The following ZNF283 variants were observed in gnomAD, a reference collection of about 807,000 sequenced individuals.
The protein encoded by ZNF283 is zinc finger protein 41.
In ZNF283, 10 loss-of-function variants were observed where a neutral mutation model predicts 9.2. The observed-to-expected ratio is 1.09, with a 90% CI of 0.67 to 1.85. The LOEUF is 1.85. Among genes scored for constraint, ZNF283 ranks in the 40% most tolerant of loss-of-function variants. ZNF283 has a pLI of 0.00. For synonymous variants in ZNF283, 234 were observed against 244.1 expected, an observed-to-expected ratio of 0.96 and a Z score of 0.38; for missense variants, 631 against 760.1, an observed-to-expected ratio of 0.83 and a Z score of 2.00.
chr19:43,834,573 ATTTTATT>A (rs969970522), intron 4 of ZNF283, among the ~76,000 whole-genome samples: 15 of 150,978 alleles, frequency 9.9e-5, no homozygotes, highest in African/African-American at 3.2e-4. Flanking sequence ...TAGATATATA[ATTTTATT>A]TTTTATTTTT....
chr19:43,831,396 T>G lies in ZNF283; in HGVS notation c.-1+15T>G, dbSNP rs774014269. 6.3e-7 allele frequency: 1 copy of G among 1,590,658 alleles called. No homozygotes were observed. The highest frequency in any genetic ancestry group is 1.1e-5 in the South Asian group (1 of 89,390). On this transcript the variant is annotated intron_variant, in intron 3 of 6. Transcript: ENST00000618787. ...TTCGAGAGCTGGTAGGTGTAAATTGTTTCAGGCCCACTGATTTTCAGTGTT... is the reference window on the plus strand; with the variant it reads ...TTCGAGAGCTGGTAGGTGTAAATTGGTTCAGGCCCACTGATTTTCAGTGTT...
At chr19:43,838,424 G>A (rs1169321429) in intron 6 of ZNF283, among the ~76,000 whole-genome samples, 1 of 152,106 alleles carries the variant, frequency 6.6e-6, no homozygotes, top group African/African-American at 2.4e-5. Flanking sequence ...CCAGGAGTTC[G>A]AGACCAGCAT....
chr19:43,847,024 G>A lies in ZNF283; in HGVS notation c.423G>A (p.Lys141=). The A allele has an allele frequency of 6.3e-7, 1 of 1,587,090 alleles. No homozygotes were observed. Among genetic ancestry groups the A allele is most frequent in the Non-Finnish European group, 8.6e-7 (1 of 1,160,694 alleles). Residue 141 remains lysine (K), a synonymous_variant, in exon 7 of 7, where the codon AAG becomes AAA. Transcript: ENST00000618787. ...TAAATTTTTCCCAGTGGGAGATGAA[G>A]GACAAAAGTAAAACCCTTGGCCTTG... ...FEINFSQWEM[K]DKSKTLGLEA...
At position 43,847,166 on chromosome 19, in the gene ZNF283, A is replaced by G; in HGVS notation, c.565A>G (p.Arg189Gly). ...CAGCTATGAAAAAATACCTTCTTAC[A>G]GAAAAAGTAAATCTCTTACTCCACA... ...IISYEKIPSY[R>G]KSKSLTPHQR... Residue 189 changes from arginine (R) to glycine (G), a missense_variant, in exon 7 of 7, where the codon AGA becomes GGA. Arg to Gly is a moderately radical substitution (Grantham distance 125, BLOSUM62 -2). Coordinates refer to ENST00000618787, the MANE Select transcript of ZNF283 (RefSeq NM_181845.2). The G allele has an allele frequency of 6.2e-7, 1 of 1,613,664 alleles. No homozygotes were observed. Among genetic ancestry groups the G allele is most frequent in the Middle Eastern group, 1.6e-4 (1 of 6,062 alleles).
Position 43,847,845 on chromosome 19 carries a change from G to T in ZNF283, c.1244G>T (p.Gly415Val). Residue 415 changes from glycine (G) to valine (V), a missense_variant, in exon 7 of 7, where the codon GGA (glycine) becomes GTA (valine). Around this residue, in one of 3 missense-constraint regions of ZNF283, gnomAD observed 444 missense variants for 522.5 expected, o/e 0.85. Transcript: ENST00000618787. ...GAATGTGGGAAGGCTTTTAATTGCG[G>T]ATCAAGTCTTATTCAACATGAAAGA... ...CKECGKAFNC[G>V]SSLIQHERIH... 6.2e-7 allele frequency: 1 copy of T among 1,613,536 alleles called. No individual in the cohort carries two copies. Among genetic ancestry groups the T allele is most frequent in the Non-Finnish European group, 8.5e-7 (1 of 1,179,872 alleles).
chr19:43,831,159 A>G (rs1205749838), intron 2 of ZNF283, among the ~76,000 whole-genome samples, 159 bp from the exon 3 acceptor site: 1 of 152,232 alleles, frequency 6.6e-6, no homozygotes, highest in Non-Finnish European at 1.5e-5. Context: ...CAAGAATTAC[A>G]TTAAAATGTT....
At position 43,850,846 on chromosome 19, in the gene ZNF283, TAG is replaced by T. The variant is rs957361674; in HGVS notation, c.*2208_*2209del. 1 of 152,202 alleles carries T rather than the reference TAG, an allele frequency of 6.6e-6. No homozygotes were observed. The highest frequency in any genetic ancestry group is 2.4e-5 in the African/African-American group (1 of 41,450). 9.4% of individuals were successfully genotyped at this position (152,202 alleles called of 1,614,324 possible). ...TCAAGGCAGGTTAGTTATGAAGAAA[TAG>T]AGTGTGTGTTTATATACTCACACAG... On this transcript the variant is annotated 3_prime_UTR_variant, in exon 7 of 7. Coordinates refer to ENST00000618787, the MANE Select transcript of ZNF283 (RefSeq NM_181845.2).
Position 43,850,218 on chromosome 19 carries a change from A to C in ZNF283, c.*1577A>C, listed in dbSNP as rs1292826520. The C allele has an allele frequency of 6.6e-6, 1 of 152,214 alleles. No homozygotes were observed. The highest frequency in any genetic ancestry group is 2.4e-5 in the African/African-American group (1 of 41,456). 9.4% of individuals were successfully genotyped at this position (152,214 alleles called of 1,614,324 possible). A position where few individuals can be genotyped will look rare whatever the true frequency, so the allele number is the denominator to read the frequency against. Reference sequence around the variant, plus strand: ...CATGAAGTTGGAAATAGAGGCTTAAACATTTTTTACCAGAACACTTCATAG... The same window carrying C: ...CATGAAGTTGGAAATAGAGGCTTAACCATTTTTTACCAGAACACTTCATAG... On this transcript the variant is annotated 3_prime_UTR_variant, in exon 7 of 7. Transcript: ENST00000618787.
Position 43,847,272 on chromosome 19 carries a change from A to C in ZNF283, c.671A>C (p.Gln224Pro). The C allele has an allele frequency of 6.2e-7, 1 of 1,613,938 alleles. No homozygotes were observed. The highest frequency in any genetic ancestry group is 2.2e-5 in the East Asian group (1 of 44,878). The change falls in exon 7 of 7, where the codon CAA becomes CCA. Residue 224 changes from glutamine to proline, a missense_variant. Around this residue, in one of 3 missense-constraint regions of ZNF283, gnomAD observed 184 missense variants for 220.0 expected, o/e 0.84. Transcript: ENST00000618787. ...KACSHGSKLV[Q>P]HERTHTAEKH... is the part of the protein sequence containing the mutation. ...TGCAGTCATGGCTCAAAACTTGTTCAACATGAGAGAACTCATACAGCTGAA... is the reference window on the plus strand; with the variant it reads ...TGCAGTCATGGCTCAAAACTTGTTCCACATGAGAGAACTCATACAGCTGAA...
intron 6 of ZNF283, chr19:43,837,917 G>C (rs1971049151): frequency 6.6e-6 from 1 of 152,224 alleles, no homozygotes; most frequent in South Asian, 2.1e-4. Flanking sequence ...AATTAGGCCA[G>C]GGAGATAGGA....
At chr19:43,843,448 C>T (rs1179509621) in intron 6 of ZNF283, among the ~76,000 whole-genome samples, 1 of 152,176 alleles carries the variant, frequency 6.6e-6, no homozygotes, top group Non-Finnish European at 1.5e-5. Flanking sequence ...AGTAGGAAAA[C>T]ATTTTCTTGC....
intron 5 of ZNF283, among the ~76,000 whole-genome samples, chr19:43,836,577 G>A (rs1026267904): frequency 2.6e-5 from 4 of 152,206 alleles, no homozygotes; most frequent in African/African-American, 9.6e-5. Context: ...CTGACCTCAA[G>A]TGATTTGCCT....
intron 6 of ZNF283, chr19:43,837,608 A>G (rs1971036713): frequency 4.4e-6 from 1 of 228,602 alleles, no homozygotes; most frequent in Admixed American, 5.6e-5. Context: ...TTTGTAGTAA[A>G]GCAGAAACAT....
intron 2 of ZNF283, among the ~76,000 whole-genome samples, chr19:43,830,973 T>A (rs1032471743): frequency 6.6e-6 from 1 of 150,642 alleles, no homozygotes; most frequent in East Asian, 1.9e-4. Context: ...TTGCAGTATG[T>A]CTAGTGATGG....
chr19:43,844,438 G>GTA (rs1197358087), intron 6 of ZNF283, among the ~76,000 whole-genome samples: 4 of 152,066 alleles, frequency 2.6e-5, no homozygotes, highest in Non-Finnish European at 5.9e-5. Context: ...ATGCTATGTT[G>GTA]TACAAAACTG....
Position 43,835,517 on chromosome 19 carries a change from T to C in ZNF283, c.135T>C (p.Ser45=). The C allele has an allele frequency of 6.2e-7, 1 of 1,610,398 alleles. No individual in the cohort carries two copies. Among genetic ancestry groups the C allele is most frequent in the African/African-American group, 1.3e-5 (1 of 75,046 alleles). The change falls in exon 5 of 7, where the codon TCT becomes TCC. Residue 45 remains serine, a synonymous_variant. Transcript: ENST00000618787. ...TTTCCCTCCCCAGTTCTGGCTTTTCTGGATTCTGTGCTTCACCAATAGAGG... is the reference window on the plus strand; with the variant it reads ...TTTCCCTCCCCAGTTCTGGCTTTTCCGGATTCTGTGCTTCACCAATAGAGG... ...LSSWDYSSGF[S]GFCASPIEES...
chr19:43,830,656 G>C (rs1274529674), intron 2 of ZNF283, among the ~76,000 whole-genome samples: 2 of 151,896 alleles, frequency 1.3e-5, no homozygotes, highest in Non-Finnish European at 2.9e-5. Context: ...TAATCCCAAC[G>C]CTTTGGGAGG....
intron 6 of ZNF283, among the ~76,000 whole-genome samples, chr19:43,846,397 G>A (rs1326891001): frequency 6.6e-6 from 1 of 152,008 alleles, no homozygotes; most frequent in Admixed American, 6.6e-5. Context: ...TTATCTCAGG[G>A]GTTGGAAAAC....
Position 43,836,411 on chromosome 19 carries a change from G to A in ZNF283, c.211-642G>A, listed in dbSNP as rs145609321. 6.5e-4 allele frequency among the ~76,000 whole-genome samples: 99 copies of A among 152,052 alleles called. 1 individual carries two copies. The East Asian group carries it at 0.016, about 25-fold the overall frequency. On this transcript the variant is annotated intron_variant, in intron 5 of 6. Coordinates refer to ENST00000618787, the MANE Select transcript of ZNF283 (RefSeq NM_181845.2). ...GGCTGGAGTGCAGTGGCACAATCTCGGCTCACTGCAACTTCTCCCTCCCAG... is the reference window on the plus strand; with the variant it reads ...GGCTGGAGTGCAGTGGCACAATCTCAGCTCACTGCAACTTCTCCCTCCCAG...
Sources: gnomAD v4.1 joint callset for allele counts (sites outside exome capture counted in the v4.1 genomes callset) on GRCh38, gnomAD v4.1.1 for gene constraint, gnomAD v4.1.1 regional missense constraint, MANE v1.5 for transcripts, NCBI Gene and HGNC (gene_info 2026-07-23, HGNC 2026-07-21) for gene names.